CYP7B1: variants seen among roughly 807,000 people sequenced by gnomAD.
CYP7B1 encodes cytochrome P450 family 7 subfamily B member 1, also known as cytochrome P450 7B1.
Under a neutral mutation model 42.7 loss-of-function variants are expected in CYP7B1, and 29 were observed. That is an observed-to-expected ratio of 0.68 (90% CI 0.51 to 0.93). The LOEUF (loss-of-function observed/expected upper bound fraction) is 0.93. CYP7B1 is among the 40% of genes least tolerant of loss of function. CYP7B1 has a pLI of 0.00. For synonymous variants in CYP7B1, 235 were observed against 218.2 expected (o/e 1.08, Z -0.68); for missense variants, 655 against 600.5 (o/e 1.09, Z -0.95).
chr8:64,694,343 A>G (rs1435373423), intron 1 of CYP7B1, among the ~76,000 whole-genome samples: 2 of 152,224 alleles, frequency 1.3e-5, no homozygotes, highest in African/African-American at 4.8e-5. Flanking sequence ...TTGTAATTTT[A>G]AATATGGCTT....
At chr8:64,743,957 C>T (rs543002942) in intron 1 of CYP7B1, among the ~76,000 whole-genome samples, 2 of 152,214 alleles carry the variant, frequency 1.3e-5, no homozygotes, top group South Asian at 4.2e-4. Flanking sequence ...TTTGGTGGCT[C>T]ACATGTCATT....
chr8:64,732,964 C>A (rs1292759389), intron 1 of CYP7B1: 1 of 152,184 alleles, frequency 6.6e-6, no homozygotes, highest in African/African-American at 2.4e-5. Flanking sequence ...AATTAAATCT[C>A]TTTGGAAGGG....
rs1231350587 is a variant in CYP7B1, at chr8:64,615,009, A to T, written c.1057+17T>A. On this transcript the variant is annotated intron_variant, in intron 4 of 5. Coordinates refer to ENST00000310193, the MANE Select transcript of CYP7B1 (RefSeq NM_004820.5). ...AGAGGTACCTTCTTTTCTTCATAACAGATAAAAATAAATTACCTAGGCAGA... is the reference window on the plus strand; with the variant it reads ...AGAGGTACCTTCTTTTCTTCATAACTGATAAAAATAAATTACCTAGGCAGA... 6.2e-7 allele frequency: 1 copy of T among 1,612,554 alleles called. No homozygotes were observed. Among genetic ancestry groups the T allele is most frequent in the Non-Finnish European group, 8.5e-7 (1 of 1,178,910 alleles).
chr8:64,643,682 T>C (rs1445641596), intron 1 of CYP7B1, among the ~76,000 whole-genome samples: 1 of 152,214 alleles, frequency 6.6e-6, no homozygotes, highest in African/African-American at 2.4e-5. Flanking sequence ...CTTTTCAAAA[T>C]TGGAGTCAAT....
intron 4 of CYP7B1, among the ~76,000 whole-genome samples, chr8:64,610,943 T>G (rs1805354279): frequency 6.6e-6 from 1 of 152,124 alleles, no homozygotes; most frequent in African/African-American, 2.4e-5. Flanking sequence ...AAAATAATAC[T>G]TGACAAATAA....
At chr8:64,708,096 G>A (rs1000171579) in intron 1 of CYP7B1, among the ~76,000 whole-genome samples, 8 of 152,154 alleles carry the variant, frequency 5.3e-5, no homozygotes, top group African/African-American at 1.7e-4. Context: ...CTTGCCTGGT[G>A]TTATGTAAGT....
At chr8:64,657,338 T>C (rs1218183676) in intron 1 of CYP7B1, among the ~76,000 whole-genome samples, 1 of 152,090 alleles carries the variant, frequency 6.6e-6, no homozygotes, top group Non-Finnish European at 1.5e-5. Context: ...CATTTTTCCC[T>C]TGGGAAAAAA....
At chr8:64,667,973 A>C (rs192130921) in intron 1 of CYP7B1, among the ~76,000 whole-genome samples, 1 of 152,334 alleles carries the variant, frequency 6.6e-6, no homozygotes, top group East Asian at 1.9e-4. Flanking sequence ...TTCTCTGTAC[A>C]ACTCTGAACT....
At chr8:64,615,350 T>C in intron 3 of CYP7B1, 118 bp from the exon 4 acceptor site, 2 of 1,039,664 alleles carry the variant, frequency 1.9e-6, no homozygotes, top group Admixed American at 4.0e-5. Context: ...TGCATGCTAA[T>C]GAGAACCAAT....
intron 1 of CYP7B1, among the ~76,000 whole-genome samples, chr8:64,693,153 G>A (rs545106415): frequency 2.2e-4 from 34 of 152,310 alleles, no homozygotes; most frequent in African/African-American, 6.7e-4. Flanking sequence ...GTTCAGACAT[G>A]ATCTGCATGA....
At chr8:64,677,706 GTTTTTTTTTT>G (rs11435388) in intron 1 of CYP7B1, among the ~76,000 whole-genome samples, 2 of 86,400 alleles carry the variant, frequency 2.3e-5, no homozygotes, top group African/African-American at 9.0e-5. Context: ...ACACTCCTTG[GTTTTTTTTTT>G]TTTTTTTTTT....
chr8:64,626,573 T>C (rs1158878675), intron 1 of CYP7B1, among the ~76,000 whole-genome samples: 2 of 152,216 alleles, frequency 1.3e-5, no homozygotes, highest in Non-Finnish European at 2.9e-5. Context: ...ATTTGCATTT[T>C]TTAACATACA....
intron 1 of CYP7B1, among the ~76,000 whole-genome samples, chr8:64,746,520 T>C (rs2129633397): frequency 6.6e-6 from 1 of 152,306 alleles, no homozygotes; most frequent in East Asian, 1.9e-4. Flanking sequence ...GCATTTGTAT[T>C]TTGGTGATTT....
At position 64,595,863 on chromosome 8, in the gene CYP7B1, G is replaced by T. The variant is rs1383390221; in HGVS notation, c.*779C>A. Among the ~76,000 whole-genome samples, 1 of 152,168 alleles carries T rather than the reference G, an allele frequency of 6.6e-6. No individual in the cohort carries two copies. ...ACTAAAGCCAAATGATATAATCAAT[G>T]CTGTAATTATTTCAACATTTGCTCC... is the stretch of plus-strand genomic sequence containing the variant. On this transcript the variant is annotated 3_prime_UTR_variant, in exon 6 of 6. Transcript: ENST00000310193.
intron 1 of CYP7B1, among the ~76,000 whole-genome samples, chr8:64,636,291 G>A (rs1011065639): frequency 6.6e-6 from 1 of 152,026 alleles, no homozygotes; most frequent in African/African-American, 2.4e-5. Context: ...TCCTACCTTG[G>A]TAACTTTGGT....
In CYP7B1 at chr8:64,615,860, T is replaced by A. The variant is rs1429360570; in HGVS notation, c.681A>T (p.Val227=). 1.9e-6 allele frequency: 3 copies of A among 1,613,666 alleles called. No homozygotes were observed. In the South Asian group the frequency reaches 3.3e-5, roughly 18 times the overall value. ...CTAGAAGCTCAATGGGTATGTTGGA[T>A]ACTAAATATGCAAACTTGTCATCAA... The part of the protein sequence containing the change: ...LKFDDKFAYL[V]SNIPIELLGN... Residue 227 remains valine, a synonymous_variant, in exon 3 of 6, where the codon GTA becomes GTT. Transcript: ENST00000310193.
At chr8:64,728,243 C>G (rs1807351786) in intron 1 of CYP7B1, 1 of 152,218 alleles carries the variant, frequency 6.6e-6, no homozygotes, top group South Asian at 2.1e-4. Context: ...TCTCTAGGCA[C>G]TTACTAGACT....
chr8:64,687,381 C>T (rs372681794), intron 1 of CYP7B1, among the ~76,000 whole-genome samples: 53 of 151,986 alleles, frequency 3.5e-4, no homozygotes, highest in African/African-American at 1.2e-3. Context: ...GGCAAATGCA[C>T]GGAGAAAGTA....
At chr8:64,778,223 A>T (rs915231458) in intron 1 of CYP7B1, among the ~76,000 whole-genome samples, 1 of 148,066 alleles carries the variant, frequency 6.8e-6, no homozygotes, top group South Asian at 2.1e-4. Context: ...ATATTTATAC[A>T]TGTGTGTGTA....
Sources: allele counts gnomAD v4.1 joint callset (sites outside exome capture counted in the v4.1 genomes callset), GRCh38; gene constraint gnomAD v4.1.1; transcripts MANE v1.5; gene names NCBI Gene and HGNC (gene_info 2026-07-23, HGNC 2026-07-21).